Variants in PCDHGB6 observed in about 807,000 individuals in gnomAD.
PCDHGB6 encodes the protein protocadherin gamma-B6.
Under a neutral mutation model 59.1 loss-of-function variants are expected in PCDHGB6, and 51 were observed. That is an observed-to-expected ratio of 0.86 (90% CI 0.69 to 1.09). The LOEUF is 1.09. PCDHGB6 is among the 50% of genes least tolerant of loss of function. The pLI is 0.00. For missense variants in PCDHGB6, 1,148 were observed against 1,205.1 expected, an observed-to-expected ratio of 0.95 and a Z score of 0.70; for synonymous variants, 466 against 495.1, an observed-to-expected ratio of 0.94 and a Z score of 0.78.
chr5:141,494,676 C>G, intron 1 of PCDHGB6, 131 bp from the exon 2 acceptor site: 1 of 1,550,918 alleles, frequency 6.4e-7, no homozygotes, highest in African/African-American at 1.4e-5. Context: ...GAGTCCACCC[C>G]TGCCCCCTCT....
At chr5:141,438,538 A>G (rs950527053) in intron 1 of PCDHGB6, among the ~76,000 whole-genome samples, 2 of 145,166 alleles carry the variant, frequency 1.4e-5, no homozygotes, top group African/African-American at 2.6e-5. Context: ...CTTTTCCTCT[A>G]TATCTAAGCC....
chr5:141,482,109 C>G (rs972542276), intron 1 of PCDHGB6, among the ~76,000 whole-genome samples: 2 of 149,582 alleles, frequency 1.3e-5, no homozygotes, highest in African/African-American at 2.5e-5. Context: ...AAAAAAATAT[C>G]TAGAGATGGG....
In PCDHGB6 at chr5:141,429,386, T is replaced by A. The variant is rs534045300; in HGVS notation, c.2418+18766T>A. Among the ~76,000 whole-genome samples the A allele has an allele frequency of 4.0e-3, 602 of 151,936 alleles. 6 individuals carry two copies. The highest frequency in any genetic ancestry group is 0.011 in the Admixed American group (171 of 15,268). On this transcript the variant is annotated intron_variant, in intron 1 of 3. Coordinates refer to ENST00000520790, the MANE Select transcript of PCDHGB6 (RefSeq NM_018926.3). ...AAAATGGAGAAAATGTGTTTTTTTTTTAAAAAAAATTGAGATTAAGGTCTC... is the reference window on the plus strand; with the variant it reads ...AAAATGGAGAAAATGTGTTTTTTTTATAAAAAAAATTGAGATTAAGGTCTC...
intron 3 of PCDHGB6, among the ~76,000 whole-genome samples, chr5:141,506,045 C>G (rs1379226123): frequency 6.6e-6 from 1 of 152,078 alleles, no homozygotes; most frequent in Non-Finnish European, 1.5e-5. Flanking sequence ...TCTGGTTTTC[C>G]CATAAGGTTG....
intron 1 of PCDHGB6, among the ~76,000 whole-genome samples, chr5:141,455,428 GA>G (rs2098822635): frequency 6.6e-6 from 1 of 152,176 alleles, no homozygotes; most frequent in Non-Finnish European, 1.5e-5. Context: ...GGCTCCAAAA[GA>G]GGAGGTCCCC....
intron 1 of PCDHGB6, among the ~76,000 whole-genome samples, chr5:141,472,862 T>C (rs770564770): frequency 1.3e-5 from 2 of 150,322 alleles, no homozygotes; most frequent in South Asian, 4.2e-4. Flanking sequence ...GGCACATGCC[T>C]GTATTCCCAG....
rs374857095 is a variant in PCDHGB6, at chr5:141,409,142, A to G, written c.940A>G (p.Arg314Gly). 6 of 1,613,904 alleles carry G rather than the reference A, an allele frequency of 3.7e-6. No individual in the cohort carries two copies. In the African/African-American group the frequency reaches 6.7e-5, roughly 18 times the overall value. ...NQSFDFEDVE[R>G]YTMEVEAKDG... ...GTCATTTGATTTTGAAGATGTAGAA[A>G]GGTACACCATGGAAGTGGAAGCGAA... is the stretch of plus-strand genomic sequence containing the variant. The change falls in exon 1 of 4, where the codon AGG becomes GGG. Residue 314 changes from arginine to glycine, a missense_variant. By Grantham distance (125) the Arg-to-Gly change is moderately radical (BLOSUM62 -2). This residue lies in a region of PCDHGB6 where 549 missense variants were observed against 527.5 expected (regional missense o/e 1.04). Coordinates refer to ENST00000520790, the MANE Select transcript of PCDHGB6 (RefSeq NM_018926.3).
rs1173627393 is a variant in PCDHGB6 at position 141,487,102 on chromosome 5, G to A, written c.2419-7705G>A. ...CAGCTGACCTCCCACCACAGAAGCT[G>A]GTCATTGTGGTAAAGGATAGTGGTA... On this transcript the variant is annotated intron_variant, in intron 1 of 3. Coordinates refer to ENST00000520790, the MANE Select transcript of PCDHGB6 (RefSeq NM_018926.3). This position sits in a 1 kb window ranked among gnomAD's most constrained non-coding sequence, Gnocchi z 5.0. 1 of 1,613,900 alleles carries A rather than the reference G, an allele frequency of 6.2e-7. No homozygotes were observed.
chr5:141,500,043 T>A (rs1240979831), intron 2 of PCDHGB6, among the ~76,000 whole-genome samples: 1 of 152,048 alleles, frequency 6.6e-6, no homozygotes, highest in East Asian at 1.9e-4. Flanking sequence ...CTCTTAAGTA[T>A]CTTAATGCTC....
At chr5:141,443,538 G>C (rs768723399) in intron 1 of PCDHGB6, among the ~76,000 whole-genome samples, 11 of 152,118 alleles carry the variant, frequency 7.2e-5, no homozygotes. Flanking sequence ...TTTAAAGCTT[G>C]GGAAATTGTT....
Position 141,432,647 on chromosome 5 carries a change from C to G in PCDHGB6, c.2418+22027C>G, listed in dbSNP as rs747789886. The G allele has an allele frequency of 1.7e-5, 28 of 1,613,678 alleles. No individual in the cohort carries two copies. In the Admixed American group the frequency reaches 4.5e-4, roughly 26 times the overall value. ...GCACACGGGCGAGGTGCGCACGGCG[C>G]GAGCCCTGCTGGACAGAGACGCGCT... On this transcript the variant is annotated intron_variant, in intron 1 of 3. Coordinates refer to ENST00000520790, the MANE Select transcript of PCDHGB6 (RefSeq NM_018926.3). This position sits in a 1 kb window ranked among gnomAD's most constrained non-coding sequence, Gnocchi z 6.0.
chr5:141,434,254 T>C (rs1440934691), intron 1 of PCDHGB6, among the ~76,000 whole-genome samples: 3 of 152,176 alleles, frequency 2.0e-5, no homozygotes, highest in Admixed American at 6.5e-5. Context: ...TTGGGCATTG[T>C]GGGGGAGGTG....
intron 1 of PCDHGB6, among the ~76,000 whole-genome samples, chr5:141,430,226 T>C (rs1331325242): frequency 6.9e-6 from 1 of 144,216 alleles, no homozygotes; most frequent in Admixed American, 7.0e-5. Context: ...ATATGATTTG[T>C]CAAAAAGAGA....
rs766151180 is a variant in PCDHGB6 at position 141,432,210 on chromosome 5, A to G, written c.2418+21590A>G. On this transcript the variant is annotated intron_variant, in intron 1 of 3. Transcript: ENST00000520790. This position sits in a 1 kb window ranked among gnomAD's most constrained non-coding sequence, Gnocchi z 6.0. Reference sequence around the variant, plus strand: ...GCCCACGACCCCGACTGTGAAGAGAACGCCCAGATCACTTATTCCCTGGCT... The same window carrying G: ...GCCCACGACCCCGACTGTGAAGAGAGCGCCCAGATCACTTATTCCCTGGCT... 1 of 1,614,138 alleles carries G rather than the reference A, an allele frequency of 6.2e-7. No individual in the cohort carries two copies. Among genetic ancestry groups the G allele is most frequent in the Non-Finnish European group, 8.5e-7 (1 of 1,180,018 alleles).
intron 1 of PCDHGB6, chr5:141,424,652 G>T (rs1392693867): frequency 6.6e-6 from 1 of 152,120 alleles, no homozygotes; most frequent in East Asian, 1.9e-4. Context: ...AAGGTATTTG[G>T]ACTTTAATTA....
Position 141,431,991 on chromosome 5 carries a change from A to G in PCDHGB6, c.2418+21371A>G. 1.2e-6 allele frequency: 2 copies of G among 1,614,218 alleles called. No individual in the cohort carries two copies. The highest frequency in any genetic ancestry group is 1.7e-6 in the Non-Finnish European group (2 of 1,180,042). On this transcript the variant is annotated intron_variant, in intron 1 of 3. Transcript: ENST00000520790. The surrounding 1 kb of genome is among the most constrained non-coding windows in gnomAD (Gnocchi z 4.8). The stretch of plus-strand genomic sequence containing the variant: ...AGTTTAGTCACAGACATAGTCTTGG[A>G]TAGGGAACAGGTTCCTAGCTACAAC...
At chr5:141,415,397 G>T (rs1168654728) in intron 1 of PCDHGB6, 1 of 1,614,124 alleles carries the variant, frequency 6.2e-7, no homozygotes, top group African/African-American at 1.3e-5. Context: ...GGTGTGTCCG[G>T]CTCGCACTTT....
At chr5:141,410,683 A>G (rs775289402) in intron 1 of PCDHGB6, 63 bp downstream of exon 1, 2 of 1,528,162 alleles carry the variant, frequency 1.3e-6, no homozygotes. Flanking sequence ...TATTTTAGGC[A>G]TACTACTTTA....
chr5:141,428,320 T>C (rs2097132935), intron 1 of PCDHGB6: 2 of 650,176 alleles, frequency 3.1e-6, no homozygotes, highest in Admixed American at 2.2e-5. Context: ...GGCCTTGGCC[T>C]TGATTTCTAT....
Sources: allele counts gnomAD v4.1 joint callset (sites outside exome capture counted in the v4.1 genomes callset), GRCh38; gene constraint gnomAD v4.1.1; regional missense constraint gnomAD v4.1.1; non-coding constraint Gnocchi (gnomAD v3.1); transcripts MANE v1.5; gene names NCBI Gene and HGNC (gene_info 2026-07-23, HGNC 2026-07-21).